KLRK1: variants seen among roughly 807,000 people sequenced by gnomAD.
The protein encoded by KLRK1 is NKG2-D type II integral membrane protein.
A neutral mutation model predicts 31.3 loss-of-function variants in KLRK1; 40 were observed. The observed-to-expected ratio is 1.28, with a 90% CI of 0.99 to 1.67. The LOEUF is 1.67. Among genes scored for constraint, KLRK1 ranks in the 40% most tolerant of loss-of-function variants. The pLI is 0.00. For synonymous variants in KLRK1, 77 were observed against 77.3 expected, an observed-to-expected ratio of 1.00 and a Z score of 0.02; for missense variants, 251 against 260.0, an observed-to-expected ratio of 0.97 and a Z score of 0.24.
intron 1 of KLRK1, 32 bp from the exon 2 acceptor site, chr12:10,388,907 T>G: frequency 6.7e-7 from 1 of 1,483,694 alleles, no homozygotes; most frequent in Non-Finnish European, 9.3e-7. Flanking sequence ...ATTTGTTTTT[T>G]GTTCTCTTTC....
At chr12:10,374,292 T>A (rs1263729219) in intron 7 of KLRK1, among the ~76,000 whole-genome samples, 2 of 150,812 alleles carry the variant, frequency 1.3e-5, no homozygotes, top group Non-Finnish European at 3.0e-5. Context: ...GGATTACAGG[T>A]GTGAGCCACT....
intron 7 of KLRK1, among the ~76,000 whole-genome samples, chr12:10,373,664 A>C (rs1316233009): frequency 2.7e-5 from 4 of 145,600 alleles, no homozygotes; most frequent in Admixed American, 7.0e-5. Context: ...CAAATCTAAT[A>C]CATACATACA....
intron 7 of KLRK1, among the ~76,000 whole-genome samples, chr12:10,374,395 C>CTTTTTTT (rs1412379809): frequency 0.019 from 1,752 of 93,730 alleles, 42 homozygotes; most frequent in African/African-American, 0.074. Context: ...TTTCCTCTCT[C>CTTTTTTT]TCTTTTTTTT....
At chr12:10,386,877 G>A (rs1156992064) in intron 3 of KLRK1, 26 bp downstream of exon 3, 2 of 1,575,572 alleles carry the variant, frequency 1.3e-6, no homozygotes, top group Non-Finnish European at 1.7e-6. Context: ...TATACTGAGA[G>A]TAGACAAATG....
chr12:10,373,595 TAAAAC>T (rs940010171), intron 7 of KLRK1, among the ~76,000 whole-genome samples: 29 of 152,136 alleles, frequency 1.9e-4, no homozygotes, highest in African/African-American at 7.0e-4. Context: ...TGTGGAAAAA[TAAAAC>T]ATTTTCTTCA....
rs113653501 is a variant in KLRK1, at chr12:10,381,255, C to CA, written c.149-1464dup. 5.1e-3 allele frequency among the ~76,000 whole-genome samples: 736 copies of CA among 144,732 alleles called. 5 individuals are homozygous for CA. The highest frequency in any genetic ancestry group is 0.01 in the South Asian group (47 of 4,626). The allele number at this position is 144,732 out of a possible 152,430, so 94.9% of individuals were successfully genotyped here. Reference sequence around the variant, plus strand: ...GCATGGGATGATATATTCAAAATGCCAAAAAAAAAAAATACCTCCTCCCAA... The same window carrying CA: ...GCATGGGATGATATATTCAAAATGCCAAAAAAAAAAAAATACCTCCTCCCAA... On this transcript the variant is annotated intron_variant, in intron 3 of 7. Coordinates refer to ENST00000240618, the MANE Select transcript of KLRK1 (RefSeq NM_007360.4).
Position 10,373,001 on chromosome 12 carries a change from T to C in KLRK1, c.*113A>G. 1 of 886,922 alleles carries C rather than the reference T, an allele frequency of 1.1e-6. No individual in the cohort carries two copies. Among genetic ancestry groups the C allele is most frequent in the East Asian group, 2.6e-5 (1 of 37,976 alleles). 54.9% of individuals were successfully genotyped at this position (886,922 alleles called of 1,614,324 possible). On this transcript the variant is annotated 3_prime_UTR_variant, in exon 8 of 8. Transcript: ENST00000240618. Reference sequence around the variant, plus strand: ...CTGTGGAGTCTAAGAAATCTGACAGTCTTTGGTCATTTTGTCCTGTTTTTG... The same window carrying C: ...CTGTGGAGTCTAAGAAATCTGACAGCCTTTGGTCATTTTGTCCTGTTTTTG...
In KLRK1 at chr12:10,372,858, C is replaced by T. The variant is rs1862887046; in HGVS notation, c.*256G>A. ...CAGCACCCCTCCCCCAGCCCATCCA[C>T]TCTGGGCTTGTGGTGGGAGAGGCAG... On this transcript the variant is annotated 3_prime_UTR_variant, in exon 8 of 8. Coordinates refer to ENST00000240618, the MANE Select transcript of KLRK1 (RefSeq NM_007360.4). 2 of 404,838 alleles carry T rather than the reference C, an allele frequency of 4.9e-6. No homozygotes were observed. The highest frequency in any genetic ancestry group is 8.7e-6 in the Non-Finnish European group (2 of 229,272). The allele number at this position is 404,838 out of a possible 1,614,324, so 25.1% of individuals were successfully genotyped here.
chr12:10,387,054 G>A (rs1422255481), intron 2 of KLRK1, 44 bp from the exon 3 acceptor site: 1 of 1,472,196 alleles, frequency 6.8e-7, no homozygotes, highest in Non-Finnish European at 9.2e-7. Flanking sequence ...TGGCCTTTCT[G>A]CCATTTGGGG....
intron 3 of KLRK1, among the ~76,000 whole-genome samples, chr12:10,380,325 A>G (rs1429731046): frequency 1.3e-5 from 2 of 152,126 alleles, no homozygotes; most frequent in Non-Finnish European, 2.9e-5. Flanking sequence ...TCGGCCTCCC[A>G]AAGTGCTGGG....
Position 10,378,257 on chromosome 12 carries a change from CTA to C in KLRK1, c.430-24_430-23del, listed in dbSNP as rs780008743. On this transcript the variant is annotated intron_variant, in intron 6 of 7. Coordinates refer to ENST00000240618, the MANE Select transcript of KLRK1 (RefSeq NM_007360.4). The stretch of plus-strand genomic sequence containing the variant: ...AATCCTGTTTGAAACCACAAATAAA[CTA>C]TAAGTAAAATCAGTGTTGATAATTT... 36 of 1,605,558 alleles carry C rather than the reference CTA, an allele frequency of 2.2e-5. 2 individuals are homozygous for C. In the South Asian group the frequency reaches 4.0e-4, roughly 18 times the overall value.
intron 7 of KLRK1, among the ~76,000 whole-genome samples, chr12:10,376,717 A>C (rs1467870710): frequency 2.0e-5 from 3 of 152,230 alleles, no homozygotes; most frequent in Admixed American, 6.5e-5. Flanking sequence ...AGCACACACA[A>C]AAAAATGCTA....
At chr12:10,377,042 C>G (rs1363750341) in intron 7 of KLRK1, among the ~76,000 whole-genome samples, 1 of 152,056 alleles carries the variant, frequency 6.6e-6, no homozygotes, top group East Asian at 1.9e-4. Flanking sequence ...GTCTTGAACT[C>G]ATGACCTCAA....
rs1182108322 is a variant in KLRK1 at position 10,380,043 on chromosome 12, A to T, written c.149-251T>A. Among the ~76,000 whole-genome samples the T allele has an allele frequency of 5.7e-5, 8 of 140,676 alleles. No homozygotes were observed. The East Asian group carries it at 6.2e-4, about 11-fold the overall frequency. The allele number at this position is 140,676 out of a possible 152,430, so 92.3% of individuals were successfully genotyped here. On this transcript the variant is annotated intron_variant, in intron 3 of 7. Coordinates refer to ENST00000240618, the MANE Select transcript of KLRK1 (RefSeq NM_007360.4). ...ATCCCTAGAGTAAATTATGCTTATGATTTTTTGTTGTTATTGTTTTTTTTT... is the reference window on the plus strand; with the variant it reads ...ATCCCTAGAGTAAATTATGCTTATGTTTTTTTGTTGTTATTGTTTTTTTTT...
chr12:10,379,918 A>G (rs1591581970), intron 3 of KLRK1, 126 bp from the exon 4 acceptor site: 1 of 812,714 alleles, frequency 1.2e-6, no homozygotes, highest in East Asian at 2.9e-5. Context: ...TGCCTTAATA[A>G]TTTTTTCCAG....
intron 3 of KLRK1, among the ~76,000 whole-genome samples, chr12:10,381,483 A>G (rs2733853): frequency 0.75 from 113,481 of 151,970 alleles, 43,250 homozygotes; most frequent in South Asian, 0.88. Context: ...TAGAGCAGAT[A>G]CACAAATAAG....
At chr12:10,373,814 CTTTG>C (rs752067205) in intron 7 of KLRK1, among the ~76,000 whole-genome samples, 4 of 151,964 alleles carry the variant, frequency 2.6e-5, no homozygotes, top group African/African-American at 9.7e-5. Flanking sequence ...AATAATGATA[CTTTG>C]TTTTCTTTCA....
chr12:10,377,368 ATAT>A (rs1862986872), intron 7 of KLRK1, among the ~76,000 whole-genome samples: 3 of 152,258 alleles, frequency 2.0e-5, no homozygotes, highest in African/African-American at 7.2e-5. Context: ...TTGTACACAA[ATAT>A]TATTAGCAAG....
chr12:10,386,949 C>T lies in KLRK1; in HGVS notation c.102G>A (p.Trp34Ter). ...TGACTACTGGACATCTTTGCTTTTG[C>T]CATCGTGTTGAAAAATCACTCTTCT... The part of the protein sequence containing the change: ...DLKKSDFSTR[W>*]QKQRCPVVKS... The change falls in exon 3 of 8, where the codon TGG (tryptophan) becomes TGA (stop). Residue 34 changes from tryptophan to a stop codon, truncating the protein, a stop_gained. Coordinates refer to ENST00000240618, the MANE Select transcript of KLRK1 (RefSeq NM_007360.4). LOFTEE classifies it high-confidence loss of function. The T allele has an allele frequency of 1.2e-6, 2 of 1,611,484 alleles. No homozygotes were observed. Among genetic ancestry groups the T allele is most frequent in the Non-Finnish European group, 8.5e-7 (1 of 1,178,800 alleles).
Sources: allele counts gnomAD v4.1 joint callset (sites outside exome capture counted in the v4.1 genomes callset), GRCh38; gene constraint gnomAD v4.1.1; transcripts MANE v1.5; gene names NCBI Gene and HGNC (gene_info 2026-07-23, HGNC 2026-07-21).